The following XKR7 variants were observed in gnomAD, a reference collection of about 807,000 sequenced individuals.
XKR7 encodes the protein XK related 7.
In XKR7, 11 loss-of-function variants were observed where a neutral mutation model predicts 42.2. The observed-to-expected ratio is 0.26, with a 90% confidence interval of 0.16 to 0.43. The LOEUF is 0.43. Ranked by LOEUF, XKR7 falls within the 20% of genes least tolerant of loss-of-function variation. XKR7 has a pLI of 1.00. For synonymous variants in XKR7, 346 were observed against 366.4 expected, an observed-to-expected ratio of 0.94 and a Z score of 0.64; for missense variants, 710 against 802.2, an observed-to-expected ratio of 0.89 and a Z score of 1.39.
intron 1 of XKR7, among the ~76,000 whole-genome samples, chr20:31,988,775 G>T (rs538122466): frequency 2.4e-4 from 37 of 152,312 alleles, no homozygotes; most frequent in Non-Finnish European, 4.0e-4. Flanking sequence ...GCATCAGAGA[G>T]GGCTTCCTGT....
intron 1 of XKR7, among the ~76,000 whole-genome samples, chr20:31,989,116 G>A (rs2064556421): frequency 6.6e-6 from 1 of 152,178 alleles, no homozygotes; most frequent in Admixed American, 6.5e-5. Context: ...AGGGGGTGTG[G>A]TAGACTAGAG....
chr20:31,977,752 T>C (rs1303614543), intron 1 of XKR7, among the ~76,000 whole-genome samples: 1 of 152,126 alleles, frequency 6.6e-6, no homozygotes, highest in Admixed American at 6.5e-5. Flanking sequence ...TGAGGGCAGA[T>C]GCGAACTCAA....
In XKR7 at chr20:31,968,542, C is replaced by T. The variant is rs955922108; in HGVS notation, c.367C>T (p.Pro123Ser). The change falls in exon 1 of 3, where the codon CCG becomes TCG. Residue 123 changes from proline (P) to serine (S), a missense_variant. Pro to Ser is a moderately conservative substitution (Grantham distance 74). Transcript: ENST00000562532. The surrounding 1 kb of genome is among the most constrained non-coding windows in gnomAD (Gnocchi z 4.5). ...VYDYSEPAGS[P>S]GPAVSTKDSV... ...CGACTACTCGGAGCCCGCAGGGTCC[C>T]CGGGACCCGCCGTCAGCACCAAGGA... The T allele has an allele frequency of 3.1e-6, 5 of 1,607,292 alleles. No individual in the cohort carries two copies. In the African/African-American group the frequency reaches 5.3e-5, roughly 17 times the overall value.
intron 1 of XKR7, among the ~76,000 whole-genome samples, chr20:31,992,335 T>A (rs943056859): frequency 1.3e-5 from 2 of 152,114 alleles, no homozygotes; most frequent in Admixed American, 6.5e-5. Context: ...GATCCTTATG[T>A]GTGGGGTAAG....
rs1250034536 is a variant in XKR7, at chr20:31,998,190, CTTG to C, written c.*738_*740del. 6.6e-6 allele frequency: 1 copy of C among 151,992 alleles called. No homozygotes were observed. Among genetic ancestry groups the C allele is most frequent in the Non-Finnish European group, 1.5e-5 (1 of 68,016 alleles). The allele number at this position is 151,992 out of a possible 1,614,324, so 9.4% of individuals were successfully genotyped here. On this transcript the variant is annotated 3_prime_UTR_variant, in exon 3 of 3. Transcript: ENST00000562532. The stretch of plus-strand genomic sequence containing the variant: ...AGAATGAACTCCTTAGGAGACGTCT[CTTG>C]TTGTGTTGTGGGCTCTGTGAAGGAT...
In XKR7 at chr20:31,998,083, G is replaced by T. The variant is rs1332820783; in HGVS notation, c.*626G>T. 11 of 126,750 alleles carry T rather than the reference G, an allele frequency of 8.7e-5. No homozygotes were observed. The highest frequency in any genetic ancestry group is 2.3e-4 in the Admixed American group (3 of 12,904). The allele number at this position is 126,750 out of a possible 1,614,324, so 7.9% of individuals were successfully genotyped here. A position where few individuals can be genotyped will look rare whatever the true frequency, so the allele number is the denominator to read the frequency against. On this transcript the variant is annotated 3_prime_UTR_variant, in exon 3 of 3. Transcript: ENST00000562532. ...TGGAGATGGATAGGAGAAAGAACTG[G>T]GGGGGGGGTCTAGGCTGGCAGAAGC...
chr20:31,985,339 G>A (rs1214243462), intron 1 of XKR7, among the ~76,000 whole-genome samples: 1 of 152,170 alleles, frequency 6.6e-6, no homozygotes, highest in African/African-American at 2.4e-5. Flanking sequence ...GGGGAGTGGG[G>A]AGGGGCGAGA....
intron 1 of XKR7, among the ~76,000 whole-genome samples, chr20:31,989,214 T>C (rs570876007): frequency 1.3e-5 from 2 of 152,052 alleles, no homozygotes; most frequent in South Asian, 4.2e-4. Flanking sequence ...GAAAGGGGTA[T>C]TCCAGGCAGA....
chr20:31,987,995 C>T (rs1223154097), intron 1 of XKR7, among the ~76,000 whole-genome samples: 1 of 152,134 alleles, frequency 6.6e-6, no homozygotes, highest in Non-Finnish European at 1.5e-5. Context: ...ATAGGCTAGC[C>T]CTGCATTCAA....
intron 1 of XKR7, among the ~76,000 whole-genome samples, chr20:31,984,113 T>A (rs2122264380): frequency 6.6e-6 from 1 of 151,410 alleles, no homozygotes; most frequent in East Asian, 2.0e-4. Context: ...AAACAAAAAT[T>A]AGCCAGGCGT....
chr20:31,969,639 A>T (rs2064455061), intron 1 of XKR7, among the ~76,000 whole-genome samples: 1 of 152,198 alleles, frequency 6.6e-6, no homozygotes, highest in Admixed American at 6.5e-5. Flanking sequence ...GAACTTGCTT[A>T]CTATATGATC....
rs1255543083 is a variant in XKR7, at chr20:32,000,682, T to C, written c.*3225T>C. The C allele has an allele frequency of 6.6e-6, 1 of 152,264 alleles. No individual in the cohort carries two copies. Among genetic ancestry groups the C allele is most frequent in the Admixed American group, 6.5e-5 (1 of 15,282 alleles). 9.4% of individuals were successfully genotyped at this position (152,264 alleles called of 1,614,324 possible). On this transcript the variant is annotated 3_prime_UTR_variant, in exon 3 of 3. Coordinates refer to ENST00000562532, the MANE Select transcript of XKR7 (RefSeq NM_001011718.2). ...GTTACCTCTAACCCCAGGAGACCAGTGTCCCCATCTCCAGGGCAGACTTCT... is the reference window on the plus strand; with the variant it reads ...GTTACCTCTAACCCCAGGAGACCAGCGTCCCCATCTCCAGGGCAGACTTCT...
intron 1 of XKR7, among the ~76,000 whole-genome samples, chr20:31,993,510 C>T (rs1333905491): frequency 6.6e-6 from 1 of 152,204 alleles, no homozygotes; most frequent in African/African-American, 2.4e-5. Flanking sequence ...CTCAGGACTT[C>T]AGAGTCCCTT....
In XKR7 at chr20:31,987,379, A is replaced by G. The variant is rs573303063; in HGVS notation, c.585-7689A>G. On this transcript the variant is annotated intron_variant, in intron 1 of 2. Coordinates refer to ENST00000562532, the MANE Select transcript of XKR7 (RefSeq NM_001011718.2). ...CAAGACACAGACAGACAGACCACCAAGCAGACCCAGTATCCAAGGCACAGA... is the reference window on the plus strand; with the variant it reads ...CAAGACACAGACAGACAGACCACCAGGCAGACCCAGTATCCAAGGCACAGA... 1.1e-4 allele frequency among the ~76,000 whole-genome samples: 16 copies of G among 150,930 alleles called. No homozygotes were observed. The East Asian group carries it at 2.8e-3, about 26-fold the overall frequency.
rs1276876278 is a variant in XKR7, at chr20:31,997,273, AG to A, written c.1560del (p.Pro521LeufsTer183). ...CCAGTGGCCCGCACCTTGCGGACAGAGGGGCCTGTCATCCGGATTGACTTGC... is the reference window on the plus strand; with the variant it reads ...CCAGTGGCCCGCACCTTGCGGACAGAGGGCCTGTCATCCGGATTGACTTGC... ...PTPVARTLRTEGPVIRIDLPR... is the reference protein window; with the variant it reads ...PTPVARTLRTXGPVIRIDLPR... On this transcript the variant is annotated frameshift_variant, in exon 3 of 3. Transcript: ENST00000562532. LOFTEE classifies it high-confidence loss of function. 1 of 1,612,172 alleles carries A rather than the reference AG, an allele frequency of 6.2e-7. No individual in the cohort carries two copies. The highest frequency in any genetic ancestry group is 8.5e-7 in the Non-Finnish European group (1 of 1,180,014).
At position 31,996,671 on chromosome 20, in the gene XKR7, G is replaced by A. The variant is rs375135448; in HGVS notation, c.954G>A (p.Ala318=). The A allele has an allele frequency of 2.9e-5, 46 of 1,603,166 alleles. No individual in the cohort carries two copies. In the African/African-American group the frequency reaches 5.5e-4, roughly 19 times the overall value. The change falls in exon 3 of 3, where the codon GCG becomes GCA. Residue 318 remains alanine, a synonymous_variant. Transcript: ENST00000562532. ...TTGCCGCCCGCGGCCTGGCCTTCGC[G>A]CTCTTCGCCAGCGTCTACAAGCTCT... ...FSIAARGLAF[A]LFASVYKLYF...
intron 1 of XKR7, among the ~76,000 whole-genome samples, chr20:31,994,824 C>A (rs1205614249): frequency 2.6e-5 from 4 of 152,184 alleles, no homozygotes; most frequent in African/African-American, 9.7e-5. Context: ...AGGGCGATAC[C>A]GCTGTTGTAT....
At chr20:31,975,422 A>G (rs2064480744) in intron 1 of XKR7, among the ~76,000 whole-genome samples, 1 of 151,978 alleles carries the variant, frequency 6.6e-6, no homozygotes, top group African/African-American at 2.4e-5. Context: ...TCCTCCAGCA[A>G]CACCCAACAC....
At chr20:31,993,088 C>CCA (rs374683030) in intron 1 of XKR7, among the ~76,000 whole-genome samples, 5,133 of 147,310 alleles carry the variant, frequency 0.035, 109 homozygotes, top group East Asian at 0.13. Flanking sequence ...GGTTCCCCCT[C>CCA]CACACACACA....
Sources: gnomAD v4.1 joint callset for allele counts (sites outside exome capture counted in the v4.1 genomes callset) on GRCh38, gnomAD v4.1.1 for gene constraint, Gnocchi (gnomAD v3.1) non-coding constraint, MANE v1.5 for transcripts, NCBI Gene and HGNC (gene_info 2026-07-23, HGNC 2026-07-21) for gene names.